DNER: variants seen among roughly 807,000 people sequenced by gnomAD.
The protein encoded by DNER is delta/notch like EGF repeat containing, also known as delta and Notch-like epidermal growth factor-related receptor.
A neutral mutation model predicts 78.2 loss-of-function variants in DNER; 33 were observed. The observed-to-expected ratio is 0.42, with a 90% confidence interval of 0.32 to 0.56. The LOEUF is 0.56. Among genes scored for constraint, DNER ranks in the 20% least tolerant of loss-of-function variants. The probability of loss-of-function intolerance (pLI) is 0.11; values close to 1 mark genes in which losing one functional copy is unlikely to be tolerated. For synonymous variants in DNER, 417 were observed against 384.8 expected (o/e 1.08, Z -0.98); for missense variants, 918 against 975.3 (o/e 0.94, Z 0.78).
At chr2:229,416,812 A>G (rs1693663350) in intron 9 of DNER, among the ~76,000 whole-genome samples, 1 of 152,122 alleles carries the variant, frequency 6.6e-6, no homozygotes, top group African/African-American at 2.4e-5. Context: ...TACCTTATTG[A>G]GCCATCCCTA....
chr2:229,660,889 T>C (rs997496349), intron 1 of DNER, among the ~76,000 whole-genome samples: 1 of 152,190 alleles, frequency 6.6e-6, no homozygotes, highest in African/African-American at 2.4e-5. Flanking sequence ...ACTGTGGAGT[T>C]TGTTGAATGA....
intron 1 of DNER, among the ~76,000 whole-genome samples, chr2:229,603,462 C>G (rs1427089126): frequency 2.6e-5 from 4 of 152,078 alleles, no homozygotes; most frequent in Non-Finnish European, 5.9e-5. Flanking sequence ...TTATAGTATA[C>G]TGATAAAATA....
chr2:229,700,813 C>T (rs1416001191), intron 1 of DNER, among the ~76,000 whole-genome samples: 4 of 149,386 alleles, frequency 2.7e-5, no homozygotes, highest in Non-Finnish European at 5.9e-5. Context: ...CCCAGCTACT[C>T]GGGAGGCTGA....
At chr2:229,508,641 G>A (rs2154212191) in intron 6 of DNER, among the ~76,000 whole-genome samples, 1 of 152,282 alleles carries the variant, frequency 6.6e-6, no homozygotes, top group Admixed American at 6.5e-5. Context: ...CAGCACTTTG[G>A]GAGGCCGAGA....
intron 1 of DNER, among the ~76,000 whole-genome samples, chr2:229,676,780 G>A (rs1699307940): frequency 6.6e-6 from 1 of 152,120 alleles, no homozygotes; most frequent in South Asian, 2.1e-4. Context: ...CGGTAAGGGT[G>A]GACTTGAAAT....
intron 4 of DNER, among the ~76,000 whole-genome samples, chr2:229,556,977 GA>G (rs1165197186): frequency 6.6e-6 from 1 of 152,180 alleles, no homozygotes; most frequent in African/African-American, 2.4e-5. Flanking sequence ...CATCTAGGGG[GA>G]AATGCCTGTA....
intron 8 of DNER, among the ~76,000 whole-genome samples, chr2:229,425,279 C>T (rs1027348681): frequency 2.6e-5 from 4 of 152,104 alleles, no homozygotes; most frequent in Non-Finnish European, 4.4e-5. Flanking sequence ...TTTGAGCTAA[C>T]GAGAACCCTG....
chr2:229,661,829 A>G (rs1206191229), intron 1 of DNER, among the ~76,000 whole-genome samples: 1 of 152,228 alleles, frequency 6.6e-6, no homozygotes, highest in Non-Finnish European at 1.5e-5. Context: ...AAAAACTGGA[A>G]GAAATGCTTT....
intron 1 of DNER, among the ~76,000 whole-genome samples, chr2:229,708,306 G>T (rs1209053827): frequency 6.6e-6 from 1 of 152,226 alleles, no homozygotes; most frequent in Non-Finnish European, 1.5e-5. Context: ...CACTTAAAAA[G>T]TACCAGTGCC....
chr2:229,407,186 G>T, intron 10 of DNER, 46 bp downstream of exon 10: 1 of 1,551,212 alleles, frequency 6.4e-7, no homozygotes, highest in Non-Finnish European at 8.8e-7. Context: ...TGCAATCTCG[G>T]GCACTTTGTG....
At chr2:229,468,843 G>A (rs998309451) in intron 7 of DNER, among the ~76,000 whole-genome samples, 1 of 152,086 alleles carries the variant, frequency 6.6e-6, no homozygotes, top group Non-Finnish European at 1.5e-5. Context: ...TGGGCAGGAA[G>A]ACAGCCAAAG....
At chr2:229,710,352 T>C (rs912294047) in intron 1 of DNER, among the ~76,000 whole-genome samples, 4 of 152,228 alleles carry the variant, frequency 2.6e-5, no homozygotes, top group African/African-American at 9.6e-5. Context: ...CTCTTTAGAT[T>C]CTATAGCCCT....
chr2:229,446,404 G>A (rs186660823), intron 8 of DNER, among the ~76,000 whole-genome samples: 1 of 152,132 alleles, frequency 6.6e-6, no homozygotes, highest in African/African-American at 2.4e-5. Flanking sequence ...AACTGAGTCA[G>A]CCCCAGAAGT....
intron 8 of DNER, among the ~76,000 whole-genome samples, chr2:229,441,542 T>G (rs572352234): frequency 2.0e-5 from 3 of 152,262 alleles, no homozygotes; most frequent in Non-Finnish European, 4.4e-5. Flanking sequence ...TGCTGGATGC[T>G]GTCAGAAAGC....
At chr2:229,472,221 G>A (rs1243041467) in intron 7 of DNER, among the ~76,000 whole-genome samples, 1 of 152,184 alleles carries the variant, frequency 6.6e-6, no homozygotes, top group Non-Finnish European at 1.5e-5. Flanking sequence ...TGGATAAAAT[G>A]ATATGTTTTC....
chr2:229,581,068 T>C (rs1192018863), intron 4 of DNER, among the ~76,000 whole-genome samples: 3 of 152,082 alleles, frequency 2.0e-5, no homozygotes, highest in African/African-American at 4.8e-5. Context: ...AGGAGAACTA[T>C]GCCTGAGGAC....
At chr2:229,418,682 T>C (rs929875642) in intron 8 of DNER, among the ~76,000 whole-genome samples, 8 of 152,058 alleles carry the variant, frequency 5.3e-5, no homozygotes, top group Non-Finnish European at 1.2e-4. Flanking sequence ...CACTTTGGGA[T>C]ACCGAGGCAG....
At chr2:229,424,851 A>C (rs1419609440) in intron 8 of DNER, among the ~76,000 whole-genome samples, 2 of 151,796 alleles carry the variant, frequency 1.3e-5, no homozygotes, top group Non-Finnish European at 2.9e-5. Flanking sequence ...TGCACTGTAG[A>C]ATGTTGAGTC....
chr2:229,534,295 A>G (rs1450931816), intron 5 of DNER, among the ~76,000 whole-genome samples: 2 of 151,932 alleles, frequency 1.3e-5, no homozygotes, highest in African/African-American at 2.4e-5. Context: ...AATAAAATAG[A>G]CCAATAGATT....
Sources: gnomAD v4.1 joint callset for allele counts (sites outside exome capture counted in the v4.1 genomes callset) on GRCh38, gnomAD v4.1.1 for gene constraint, MANE v1.5 for transcripts, NCBI Gene and HGNC (gene_info 2026-07-23, HGNC 2026-07-21) for gene names.